The following ANO1 variants were observed in gnomAD, a reference collection of about 807,000 sequenced individuals.
The protein encoded by ANO1 is anoctamin-1.
Under a neutral mutation model 124.0 loss-of-function variants are expected in ANO1, and 59 were observed. That is an observed-to-expected ratio of 0.48 (90% CI 0.39 to 0.59). ANO1 has a LOEUF of 0.59. ANO1 is among the 20% of genes least tolerant of loss of function. ANO1 has a pLI of 0.00. For synonymous variants in ANO1, 529 were observed against 532.0 expected (o/e 0.99, Z 0.08); for missense variants, 1,059 against 1,328.0 (o/e 0.80, Z 3.15).
chr11:70,185,784 A>G (rs1300777353), intron 25 of ANO1, 89 bp downstream of exon 25: 15 of 1,416,988 alleles, frequency 1.1e-5, no homozygotes, highest in Non-Finnish European at 1.5e-5. Context: ...AGGAGCTGCT[A>G]AAGCCAGGGG....
chr11:70,089,009 A>C (rs1275857732), intron 2 of ANO1, among the ~76,000 whole-genome samples: 1 of 152,190 alleles, frequency 6.6e-6, no homozygotes, highest in Non-Finnish European at 1.5e-5. Context: ...AGCTGTGTGC[A>C]GAGAGAATGA....
chr11:69,977,188 C>G, the ANO1 span, among the ~76,000 whole-genome samples: 1 of 152,172 alleles, frequency 6.6e-6, no homozygotes, highest in Non-Finnish European at 1.5e-5. Flanking sequence ...AGGTGTCACC[C>G]AAGTTGTCAT....
intron 1 of ANO1, among the ~76,000 whole-genome samples, chr11:70,023,976 A>T (rs4980744): frequency 0.77 from 117,214 of 152,222 alleles, 45,459 homozygotes; most frequent in East Asian, 0.94. Flanking sequence ...GGGTTGTAAA[A>T]GACAGAAAAC....
rs370231202 is a variant in ANO1, at chr11:70,165,612, A to G, written c.2051+42A>G. 28 of 1,540,878 alleles carry G rather than the reference A, an allele frequency of 1.8e-5. No homozygotes were observed. The East Asian group carries it at 2.1e-4, about 12-fold the overall frequency. On this transcript the variant is annotated intron_variant, in intron 20 of 25. Transcript: ENST00000355303. ...GGGTTAGAGCGGCAGGGGCGGGGCCAGGCGGAGGGGTGTGTGGGTGGCTCC... is the reference window on the plus strand; with the variant it reads ...GGGTTAGAGCGGCAGGGGCGGGGCCGGGCGGAGGGGTGTGTGGGTGGCTCC...
the ANO1 span, among the ~76,000 whole-genome samples, chr11:69,979,033 C>T: frequency 1.3e-5 from 2 of 152,224 alleles, no homozygotes; most frequent in Middle Eastern, 3.4e-3. Flanking sequence ...AAAACTCGAG[C>T]GATGCGGGCA....
At chr11:70,167,007 C>A (rs184023943) in intron 20 of ANO1, among the ~76,000 whole-genome samples, 1 of 151,968 alleles carries the variant, frequency 6.6e-6, no homozygotes, top group Non-Finnish European at 1.5e-5. Flanking sequence ...ATTAGCCAGG[C>A]GTGGCAGCAT....
At chr11:70,068,632 T>C (rs535824678) in intron 1 of ANO1, among the ~76,000 whole-genome samples, 4 of 152,014 alleles carry the variant, frequency 2.6e-5, no homozygotes, top group Non-Finnish European at 4.4e-5. Flanking sequence ...CCAGGAAACA[T>C]GAAGTCCAGC....
the ANO1 span, among the ~76,000 whole-genome samples, chr11:69,978,014 A>G: frequency 3.7e-4 from 57 of 152,206 alleles, no homozygotes; most frequent in Non-Finnish European, 6.3e-4. Flanking sequence ...TTCTGAGAGC[A>G]GAGGCGGGGC....
In ANO1 at chr11:70,149,809, C is replaced by A; in HGVS notation, c.1341+17C>A. 1 of 1,612,228 alleles carries A rather than the reference C, an allele frequency of 6.2e-7. No individual in the cohort carries two copies. The highest frequency in any genetic ancestry group is 1.1e-5 in the South Asian group (1 of 90,632). On this transcript the variant is annotated intron_variant, in intron 12 of 25. Transcript: ENST00000355303. ...GAGGAAGAGGTCAGTGGGTTTGCCGCCGTGCATATCACGCCCTTCCCCCAC... is the reference window on the plus strand; with the variant it reads ...GAGGAAGAGGTCAGTGGGTTTGCCGACGTGCATATCACGCCCTTCCCCCAC...
At chr11:70,056,194 T>G (rs1857431890) in intron 1 of ANO1, 2 of 152,138 alleles carry the variant, frequency 1.3e-5, no homozygotes, top group South Asian at 2.1e-4. Flanking sequence ...TTTCTTTTAG[T>G]GCAGGTCTGC....
At position 70,171,170 on chromosome 11, in the gene ANO1, G is replaced by A. The variant is rs2048457973; in HGVS notation, c.2350+131G>A. 5.4e-6 allele frequency: 7 copies of A among 1,297,364 alleles called. No homozygotes were observed. In the South Asian group the frequency reaches 8.8e-5, roughly 16 times the overall value. The allele number at this position is 1,297,364 out of a possible 1,614,324, so 80.4% of individuals were successfully genotyped here. A position where few individuals can be genotyped will look rare whatever the true frequency, so the allele number is the denominator to read the frequency against. ...TCCTGGGGCTCTTCACTCAGCCTTTGCCGGGTGGAGCCTGGGGGCAGGTGA... is the reference window on the plus strand; with the variant it reads ...TCCTGGGGCTCTTCACTCAGCCTTTACCGGGTGGAGCCTGGGGGCAGGTGA... On this transcript the variant is annotated intron_variant, in intron 22 of 25. Coordinates refer to ENST00000355303, the MANE Select transcript of ANO1 (RefSeq NM_018043.7).
the ANO1 span, among the ~76,000 whole-genome samples, chr11:69,974,905 A>AC: frequency 2.3e-5 from 3 of 131,364 alleles, no homozygotes; most frequent in African/African-American, 8.0e-5. Context: ...AAAAAAAAAA[A>AC]AAGAAGAGAT....
intron 6 of ANO1, among the ~76,000 whole-genome samples, chr11:70,109,118 T>G (rs1183034132): frequency 6.6e-6 from 1 of 152,274 alleles, no homozygotes. Context: ...CTGAGAGCCG[T>G]GCCATAGGGT....
intron 1 of ANO1, among the ~76,000 whole-genome samples, chr11:70,071,852 T>C (rs1857880891): frequency 6.6e-6 from 1 of 151,890 alleles, no homozygotes; most frequent in Non-Finnish European, 1.5e-5. Flanking sequence ...CTCTGACTCC[T>C]AGCCTCAAGT....
At chr11:70,022,805 A>C (rs2135003258) in intron 1 of ANO1, among the ~76,000 whole-genome samples, 1 of 152,312 alleles carries the variant, frequency 6.6e-6, no homozygotes, top group East Asian at 1.9e-4. Flanking sequence ...TTAAGGCTGT[A>C]GATGGAATCA....
intron 1 of ANO1, among the ~76,000 whole-genome samples, chr11:69,994,110 C>CA (rs56843023): frequency 2.6e-5 from 4 of 151,562 alleles, no homozygotes; most frequent in Non-Finnish European, 5.9e-5. Context: ...TTAACCCCCC[C>CA]CCACAGTCAC....
At chr11:70,028,559 CA>C (rs1856949123) in intron 1 of ANO1, among the ~76,000 whole-genome samples, 1 of 152,082 alleles carries the variant, frequency 6.6e-6, no homozygotes. Flanking sequence ...TCAGCTCCAT[CA>C]TGTCTGAATC....
intron 10 of ANO1, among the ~76,000 whole-genome samples, chr11:70,130,812 G>A (rs556327277): frequency 7.4e-4 from 113 of 152,290 alleles, no homozygotes; most frequent in Middle Eastern, 3.4e-3. Flanking sequence ...GTGGGCCTCC[G>A]CTGCACCGGG....
At chr11:70,005,900 C>T (rs1161103192) in intron 1 of ANO1, among the ~76,000 whole-genome samples, 5 of 152,218 alleles carry the variant, frequency 3.3e-5, no homozygotes, top group African/African-American at 9.7e-5. Context: ...TTTTAACTGA[C>T]AGCAATAGAA....
Sources: gnomAD v4.1 joint callset for allele counts (sites outside exome capture counted in the v4.1 genomes callset) on GRCh38, gnomAD v4.1.1 for gene constraint, MANE v1.5 for transcripts, NCBI Gene and HGNC (gene_info 2026-07-23, HGNC 2026-07-21) for gene names.